The following ADGRL3 variants were observed in gnomAD, a reference collection of about 807,000 sequenced individuals.
ADGRL3 encodes the protein calcium-independent alpha-latrotoxin receptor 3.
Under a neutral mutation model 153.5 loss-of-function variants are expected in ADGRL3, and 62 were observed. That is an observed-to-expected ratio of 0.40 (90% confidence interval 0.33 to 0.50). The LOEUF (loss-of-function observed/expected upper bound fraction) is 0.50. Ranked by LOEUF, ADGRL3 falls within the 20% of genes least tolerant of loss-of-function variation. ADGRL3 has a pLI of 0.47. For synonymous variants in ADGRL3, 710 were observed against 672.5 expected, an observed-to-expected ratio of 1.06 and a Z score of -0.86; for missense variants, 1,641 against 1,859.4, an observed-to-expected ratio of 0.88 and a Z score of 2.16.
chr4:61,311,223 C>T (rs2094990993), intron 1 of ADGRL3, among the ~76,000 whole-genome samples: 1 of 152,136 alleles, frequency 6.6e-6, no homozygotes, highest in East Asian at 1.9e-4. Flanking sequence ...CAGTGCATGA[C>T]AGATCATTTT....
intron 4 of ADGRL3, among the ~76,000 whole-genome samples, chr4:61,560,842 A>G (rs1222787003): frequency 6.6e-6 from 1 of 152,112 alleles, no homozygotes; most frequent in African/African-American, 2.4e-5. Context: ...TCAGTTCTCC[A>G]ATCATAGATT....
At chr4:62,049,872 C>T (rs1193744047) in intron 25 of ADGRL3, among the ~76,000 whole-genome samples, 2 of 152,104 alleles carry the variant, frequency 1.3e-5, no homozygotes, top group African/African-American at 4.8e-5. Context: ...ATAGTTGTCA[C>T]TTCAGAAGGT....
At chr4:61,874,787 C>CTTTTTTTTTTTTTTTTTTTTTTTTTTT (rs1561398139) in intron 9 of ADGRL3, among the ~76,000 whole-genome samples, 1 of 88,592 alleles carries the variant, frequency 1.1e-5, no homozygotes. Flanking sequence ...CATCAAAATG[C>CTTTTTTTTTTTTTTTTTTTTTTTTTTT]TCTTTTTTTT....
At chr4:61,865,393 GC>G (rs141313626) in intron 9 of ADGRL3, among the ~76,000 whole-genome samples, 8,818 of 152,104 alleles carry the variant, frequency 0.058, 452 homozygotes, top group East Asian at 0.14. Context: ...TAACTGGAAG[GC>G]TGTGGTTTGA....
At chr4:61,593,823 T>C (rs2098978948) in intron 5 of ADGRL3, among the ~76,000 whole-genome samples, 2 of 152,104 alleles carry the variant, frequency 1.3e-5, no homozygotes, top group Non-Finnish European at 2.9e-5. Context: ...TCTATAACCT[T>C]CTTGTATTTG....
At chr4:61,241,419 A>G (rs1279697417) in intron 1 of ADGRL3, among the ~76,000 whole-genome samples, 1 of 152,070 alleles carries the variant, frequency 6.6e-6, no homozygotes, top group East Asian at 1.9e-4. Context: ...AGATTCTTAA[A>G]TTAGGTATCA....
At chr4:61,405,349 T>C (rs1208938476) in intron 2 of ADGRL3, among the ~76,000 whole-genome samples, 1 of 152,076 alleles carries the variant, frequency 6.6e-6, no homozygotes. Context: ...AAGGACACAG[T>C]TCTGTAACAG....
intron 1 of ADGRL3, among the ~76,000 whole-genome samples, chr4:61,251,377 C>T (rs977271568): frequency 2.6e-5 from 4 of 152,112 alleles, no homozygotes; most frequent in South Asian, 2.1e-4. Context: ...AGGGAACGCT[C>T]GGAGAGCAGG....
intron 9 of ADGRL3, among the ~76,000 whole-genome samples, chr4:61,840,032 C>A (rs557430019): frequency 1.9e-4 from 29 of 151,396 alleles, no homozygotes; most frequent in African/African-American, 7.0e-4. Flanking sequence ...AATAATCTTA[C>A]CTTTTTAAAA....
intron 4 of ADGRL3, among the ~76,000 whole-genome samples, chr4:61,575,893 T>A (rs2098874839): frequency 6.6e-6 from 1 of 152,208 alleles, no homozygotes; most frequent in African/African-American, 2.4e-5. Context: ...GACTTTCTAT[T>A]GATTTTTTTG....
chr4:61,648,218 ACT>A (rs1159156743), intron 5 of ADGRL3, among the ~76,000 whole-genome samples: 2 of 152,058 alleles, frequency 1.3e-5, no homozygotes, highest in Admixed American at 1.3e-4. Context: ...ATGCTATTTG[ACT>A]CTAAGTATTC....
intron 9 of ADGRL3, among the ~76,000 whole-genome samples, chr4:61,874,107 T>C (rs2098460554): frequency 6.6e-6 from 1 of 152,140 alleles, no homozygotes; most frequent in Non-Finnish European, 1.5e-5. Flanking sequence ...ACAATACACA[T>C]TTATTATTTC....
intron 2 of ADGRL3, among the ~76,000 whole-genome samples, chr4:61,423,202 G>T (rs917884415): frequency 2.6e-5 from 4 of 152,162 alleles, no homozygotes; most frequent in African/African-American, 9.7e-5. Flanking sequence ...AAGATGAGAA[G>T]ATTCCAAAGA....
At chr4:61,337,852 C>T (rs921045478) in intron 1 of ADGRL3, among the ~76,000 whole-genome samples, 3 of 152,078 alleles carry the variant, frequency 2.0e-5, no homozygotes, top group Non-Finnish European at 4.4e-5. Flanking sequence ...CTGCAAGGTT[C>T]TTATATGTAT....
intron 2 of ADGRL3, among the ~76,000 whole-genome samples, chr4:61,432,614 CTTTCTTTCTTTCTT>C (rs2097375371): frequency 1.4e-5 from 1 of 70,712 alleles, no homozygotes; most frequent in Non-Finnish European, 3.0e-5. Context: ...TTCTTTCTTT[CTTTCTTTCTTTCTT>C]TCTTTCTTTC....
chr4:61,335,814 A>T (rs1163324027), intron 1 of ADGRL3, among the ~76,000 whole-genome samples: 3 of 152,196 alleles, frequency 2.0e-5, no homozygotes, highest in Non-Finnish European at 4.4e-5. Flanking sequence ...GGTTTTGAGA[A>T]ATATTTCTTA....
intron 9 of ADGRL3, among the ~76,000 whole-genome samples, chr4:61,858,585 C>T (rs1164834139): frequency 6.6e-6 from 1 of 152,216 alleles, no homozygotes; most frequent in African/African-American, 2.4e-5. Flanking sequence ...TGTGCCACTG[C>T]ACTCCATCCT....
chr4:61,919,488 A>G (rs1302906196), intron 13 of ADGRL3, among the ~76,000 whole-genome samples: 1 of 152,190 alleles, frequency 6.6e-6, no homozygotes. Context: ...AGATCAAAGA[A>G]AGTGACTTCT....
At chr4:61,233,316 C>CT (rs1164078810) in intron 1 of ADGRL3, among the ~76,000 whole-genome samples, 2 of 151,816 alleles carry the variant, frequency 1.3e-5, no homozygotes, top group Non-Finnish European at 2.9e-5. Flanking sequence ...TTTTTTAAAT[C>CT]TTTTTAGAAA....
Sources: gnomAD v4.1 joint callset for allele counts (sites outside exome capture counted in the v4.1 genomes callset) on GRCh38, gnomAD v4.1.1 for gene constraint, MANE v1.5 for transcripts, NCBI Gene and HGNC (gene_info 2026-07-23, HGNC 2026-07-21) for gene names.